CDH13: variants seen among roughly 807,000 people sequenced by gnomAD.
CDH13 encodes the protein cadherin-13.
In CDH13, 24 loss-of-function variants were observed where a neutral mutation model predicts 63.8. That is an observed-to-expected ratio of 0.38 (90% confidence interval 0.27 to 0.53). The LOEUF (loss-of-function observed/expected upper bound fraction) is 0.53. Ranked by LOEUF, CDH13 falls within the 20% of genes least tolerant of loss-of-function variation. CDH13 has a pLI of 0.85. For synonymous variants in CDH13, 503 were observed against 355.3 expected, an observed-to-expected ratio of 1.42 and a Z score of -4.67; for missense variants, 1,049 against 903.1, an observed-to-expected ratio of 1.16 and a Z score of -2.07.
At chr16:83,194,753 C>G (rs1019251011) in intron 4 of CDH13, among the ~76,000 whole-genome samples, 2 of 152,078 alleles carry the variant, frequency 1.3e-5, no homozygotes, top group Non-Finnish European at 1.5e-5. Flanking sequence ...ACCTGACTTC[C>G]TAGTTGGGTA....
intron 2 of CDH13, among the ~76,000 whole-genome samples, chr16:82,882,209 C>G (rs2040728042): frequency 6.6e-6 from 1 of 152,134 alleles, no homozygotes; most frequent in Non-Finnish European, 1.5e-5. Context: ...ACAAGTGTCA[C>G]AAAGATATTA....
chr16:82,687,242 G>C (rs1389484047), intron 1 of CDH13, among the ~76,000 whole-genome samples: 2 of 152,220 alleles, frequency 1.3e-5, no homozygotes, highest in East Asian at 3.8e-4. Flanking sequence ...GGAGGAGGCA[G>C]GGTTTAGCAC....
chr16:83,509,523 A>G (rs2074505403), intron 7 of CDH13, among the ~76,000 whole-genome samples: 1 of 152,234 alleles, frequency 6.6e-6, no homozygotes, highest in Admixed American at 6.5e-5. Context: ...AACTTTATTT[A>G]CAAAAGCAGA....
At chr16:83,017,151 A>C (rs1914888077) in intron 2 of CDH13, among the ~76,000 whole-genome samples, 1 of 152,210 alleles carries the variant, frequency 6.6e-6, no homozygotes, top group Non-Finnish European at 1.5e-5. Context: ...GACTATCTTT[A>C]ATGGGTGCAT....
At chr16:83,440,115 A>C (rs978094808) in intron 6 of CDH13, among the ~76,000 whole-genome samples, 3 of 152,202 alleles carry the variant, frequency 2.0e-5, no homozygotes, top group African/African-American at 7.2e-5. Flanking sequence ...CCCAGTAAGG[A>C]TGGAGAATGG....
At chr16:83,719,166 C>T (rs1009528831) in intron 10 of CDH13, among the ~76,000 whole-genome samples, 15 of 152,154 alleles carry the variant, frequency 9.9e-5, no homozygotes, top group African/African-American at 3.6e-4. Flanking sequence ...AGTCCAGTAG[C>T]CAAGTAGAAT....
intron 2 of CDH13, among the ~76,000 whole-genome samples, chr16:83,019,854 A>G (rs1337787785): frequency 6.6e-6 from 1 of 150,714 alleles, no homozygotes; most frequent in African/African-American, 2.4e-5. Context: ...AAAAAAAAAA[A>G]CAATAAAAAC....
intron 4 of CDH13, among the ~76,000 whole-genome samples, chr16:83,177,953 T>G (rs538844423): frequency 6.6e-6 from 1 of 152,232 alleles, no homozygotes; most frequent in African/African-American, 2.4e-5. Context: ...ATAGTAGGTG[T>G]TTAATAAATC....
At chr16:82,759,988 A>T (rs1187535406) in intron 1 of CDH13, among the ~76,000 whole-genome samples, 1 of 152,212 alleles carries the variant, frequency 6.6e-6, no homozygotes, top group Non-Finnish European at 1.5e-5. Context: ...CACCAGGTTT[A>T]AAAATTATGA....
At chr16:83,234,587 A>G (rs2040092390) in intron 5 of CDH13, among the ~76,000 whole-genome samples, 1 of 152,170 alleles carries the variant, frequency 6.6e-6, no homozygotes, top group African/African-American at 2.4e-5. Context: ...GCTGGGGTTC[A>G]GGTGTGGCGT....
intron 10 of CDH13, among the ~76,000 whole-genome samples, chr16:83,743,406 T>C (rs1242707587): frequency 6.6e-6 from 1 of 152,210 alleles, no homozygotes; most frequent in Admixed American, 6.5e-5. Context: ...GTATTGTTTC[T>C]GAGGACTGCC....
chr16:82,899,082 A>C (rs982823327), intron 2 of CDH13, among the ~76,000 whole-genome samples: 1 of 152,198 alleles, frequency 6.6e-6, no homozygotes, highest in Non-Finnish European at 1.5e-5. Flanking sequence ...TGAAGGGTCC[A>C]TCACAGTGTC....
intron 7 of CDH13, among the ~76,000 whole-genome samples, chr16:83,531,466 G>T (rs1338483588): frequency 6.6e-6 from 1 of 152,218 alleles, no homozygotes; most frequent in Non-Finnish European, 1.5e-5. Context: ...ATCTTGAGAT[G>T]AGGGGTGAGG....
At chr16:83,532,708 C>G (rs981223162) in intron 7 of CDH13, among the ~76,000 whole-genome samples, 3 of 152,236 alleles carry the variant, frequency 2.0e-5, no homozygotes, top group African/African-American at 7.2e-5. Flanking sequence ...AAGTTCTTTG[C>G]AAGCAATCAT....
intron 5 of CDH13, among the ~76,000 whole-genome samples, chr16:83,285,487 A>T (rs2089286399): frequency 1.3e-5 from 2 of 151,992 alleles, no homozygotes; most frequent in Admixed American, 6.6e-5. Context: ...ACAGGTTCCA[A>T]CCAGTGATGG....
At chr16:83,079,659 C>T (rs1327603181) in intron 3 of CDH13, among the ~76,000 whole-genome samples, 1 of 152,200 alleles carries the variant, frequency 6.6e-6, no homozygotes, top group Non-Finnish European at 1.5e-5. Flanking sequence ...TGCCTACACT[C>T]ATAAATGTAT....
At chr16:82,903,888 C>G (rs2041553870) in intron 2 of CDH13, among the ~76,000 whole-genome samples, 2 of 152,098 alleles carry the variant, frequency 1.3e-5, no homozygotes, top group African/African-American at 2.4e-5. Context: ...TAGGAAGTGG[C>G]AAGTCACAAT....
At chr16:83,708,551 C>T (rs1246866088) in intron 10 of CDH13, among the ~76,000 whole-genome samples, 2 of 152,200 alleles carry the variant, frequency 1.3e-5, no homozygotes, top group African/African-American at 4.8e-5. Context: ...TGTGGCCTCT[C>T]TTCCTGCTAA....
chr16:83,114,203 G>T (rs2035193913), intron 3 of CDH13, among the ~76,000 whole-genome samples: 1 of 152,132 alleles, frequency 6.6e-6, no homozygotes. Flanking sequence ...TTAGTTATTG[G>T]ACCTTCGATG....
Sources: gnomAD v4.1 joint callset for allele counts (sites outside exome capture counted in the v4.1 genomes callset) on GRCh38, gnomAD v4.1.1 for gene constraint, MANE v1.5 for transcripts, NCBI Gene and HGNC (gene_info 2026-07-23, HGNC 2026-07-21) for gene names.